Variants in CACNA2D3 observed in about 807,000 individuals in gnomAD.
CACNA2D3 encodes voltage-dependent calcium channel subunit alpha-2/delta-3.
Under a neutral mutation model 160.6 loss-of-function variants are expected in CACNA2D3, and 60 were observed. The ratio of observed to expected loss-of-function variants is 0.37; its 90% CI spans 0.30 to 0.46. The LOEUF (loss-of-function observed/expected upper bound fraction) is 0.46. Among genes scored for constraint, CACNA2D3 ranks in the 20% least tolerant of loss-of-function variants. The pLI is 1.00. For missense variants in CACNA2D3, 1,205 were observed against 1,365.0 expected, an observed-to-expected ratio of 0.88 and a Z score of 1.85; for synonymous variants, 558 against 492.9, an observed-to-expected ratio of 1.13 and a Z score of -1.75.
chr3:54,294,334 G>A (rs1025979073), intron 2 of CACNA2D3, among the ~76,000 whole-genome samples: 5 of 152,166 alleles, frequency 3.3e-5, no homozygotes, highest in African/African-American at 1.2e-4. Context: ...ATGGGTATGC[G>A]ACAAAGTTTT....
At chr3:54,184,299 A>G (rs1044338078) in intron 2 of CACNA2D3, among the ~76,000 whole-genome samples, 5 of 152,228 alleles carry the variant, frequency 3.3e-5, no homozygotes, top group Admixed American at 1.3e-4. Context: ...GACTACAGGT[A>G]GGCAATGTTT....
intron 27 of CACNA2D3, among the ~76,000 whole-genome samples, chr3:54,955,154 G>A (rs924164489): frequency 2.6e-5 from 4 of 152,166 alleles, no homozygotes; most frequent in African/African-American, 9.7e-5. Context: ...ACCCAGTGGG[G>A]TACAGAAGCT....
At chr3:54,549,452 A>T (rs1299163137) in intron 5 of CACNA2D3, among the ~76,000 whole-genome samples, 1 of 151,908 alleles carries the variant, frequency 6.6e-6, no homozygotes, top group African/African-American at 2.4e-5. Context: ...TCTCAAAAAC[A>T]AAAAAAACAA....
At chr3:55,066,553 C>T (rs954553318) in intron 35 of CACNA2D3, among the ~76,000 whole-genome samples, 1 of 152,100 alleles carries the variant, frequency 6.6e-6, no homozygotes, top group East Asian at 1.9e-4. Flanking sequence ...TGATCGCTTT[C>T]ATCATTTGCT....
At chr3:54,687,121 C>CTTTTTCTTTTTTTTTTTT in intron 11 of CACNA2D3, among the ~76,000 whole-genome samples, 4 of 94,932 alleles carry the variant, frequency 4.2e-5, no homozygotes, top group African/African-American at 8.0e-5. Flanking sequence ...TTTTCTTTTT[C>CTTTTTCTTTTTTTTTTTT]TTTTTTTTTT....
intron 11 of CACNA2D3, among the ~76,000 whole-genome samples, chr3:54,694,000 T>C (rs982808040): frequency 1.3e-5 from 2 of 152,204 alleles, no homozygotes; most frequent in African/African-American, 4.8e-5. Flanking sequence ...ATAAATTTAG[T>C]GTAGCCTAAG....
chr3:54,465,963 C>A (rs1194237115), intron 4 of CACNA2D3, among the ~76,000 whole-genome samples: 1 of 152,128 alleles, frequency 6.6e-6, no homozygotes, highest in African/African-American at 2.4e-5. Context: ...GGTTATGAGA[C>A]TGAGGTCCCC....
intron 1 of CACNA2D3, 169 bp from the exon 2 acceptor site, chr3:54,123,344 T>G: frequency 1.6e-6 from 1 of 607,518 alleles, no homozygotes; most frequent in Non-Finnish European, 2.9e-6. Flanking sequence ...GCTTTGCAGT[T>G]TTGGTGCTGG....
At chr3:54,642,506 A>G (rs1003810568) in intron 11 of CACNA2D3, among the ~76,000 whole-genome samples, 1 of 152,174 alleles carries the variant, frequency 6.6e-6, no homozygotes, top group African/African-American at 2.4e-5. Flanking sequence ...TGCTTCATCC[A>G]TATTGGGTTG....
chr3:54,902,683 A>C (rs1046146881), intron 27 of CACNA2D3, among the ~76,000 whole-genome samples: 34 of 152,334 alleles, frequency 2.2e-4, no homozygotes, highest in African/African-American at 7.7e-4. Context: ...GGAAATGCAG[A>C]TCTTGGACTG....
intron 2 of CACNA2D3, among the ~76,000 whole-genome samples, chr3:54,315,268 A>G (rs1389626019): frequency 1.3e-5 from 2 of 151,760 alleles, no homozygotes; most frequent in African/African-American, 2.4e-5. Context: ...AGCTGTGTCT[A>G]CTCCCTGGGG....
chr3:54,184,004 C>G (rs1462994928), intron 2 of CACNA2D3, among the ~76,000 whole-genome samples: 2 of 150,848 alleles, frequency 1.3e-5, no homozygotes, highest in Non-Finnish European at 2.9e-5. Context: ...CTGCTTTTTC[C>G]ATGGCATGCA....
chr3:54,515,987 G>A (rs906814473), intron 5 of CACNA2D3, among the ~76,000 whole-genome samples: 1 of 152,204 alleles, frequency 6.6e-6, no homozygotes, highest in Non-Finnish European at 1.5e-5. Flanking sequence ...AAGTGGCCAA[G>A]AGTGCAGCAG....
At chr3:54,292,455 A>G (rs1370357884) in intron 2 of CACNA2D3, among the ~76,000 whole-genome samples, 1 of 152,226 alleles carries the variant, frequency 6.6e-6, no homozygotes, top group Non-Finnish European at 1.5e-5. Context: ...TCTAGAATAT[A>G]CCAAAAACCC....
chr3:54,456,091 CA>C (rs1281259450), intron 4 of CACNA2D3, among the ~76,000 whole-genome samples: 2 of 152,060 alleles, frequency 1.3e-5, no homozygotes, highest in Non-Finnish European at 2.9e-5. Flanking sequence ...TGAAGAATGT[CA>C]TTAGTATTTT....
At chr3:54,744,464 A>G (rs1265118634) in intron 11 of CACNA2D3, among the ~76,000 whole-genome samples, 10 of 152,162 alleles carry the variant, frequency 6.6e-5, no homozygotes. Flanking sequence ...GGAGGAAGTC[A>G]GAGGTAGGAG....
rs577874903 is a variant in CACNA2D3 at position 54,422,051 on chromosome 3, C to T, written c.381+35277C>T. On this transcript the variant is annotated intron_variant, in intron 4 of 37. Transcript: ENST00000474759. ...TCATTATTCCATGTGGCAGAGAGGA[C>T]GTGTTTTAATATATCCTTCGCTTCT... 5.9e-5 allele frequency among the ~76,000 whole-genome samples: 9 copies of T among 152,234 alleles called. 1 individual carries two copies. The South Asian group carries it at 1.7e-3, about 28-fold the overall frequency.
intron 3 of CACNA2D3, among the ~76,000 whole-genome samples, chr3:54,323,124 G>A (rs1181085740): frequency 2.6e-5 from 4 of 152,154 alleles, no homozygotes; most frequent in African/African-American, 9.7e-5. Context: ...CTCACTGTGA[G>A]CCATGTGGCT....
At chr3:54,295,564 G>T (rs1264903146) in intron 2 of CACNA2D3, among the ~76,000 whole-genome samples, 1 of 152,158 alleles carries the variant, frequency 6.6e-6, no homozygotes. Flanking sequence ...AGGCTTCCGG[G>T]TCATAGGTAG....
Sources: allele counts gnomAD v4.1 joint callset (sites outside exome capture counted in the v4.1 genomes callset), GRCh38; gene constraint gnomAD v4.1.1; transcripts MANE v1.5; gene names NCBI Gene and HGNC (gene_info 2026-07-23, HGNC 2026-07-21).